Variants in MROH1 observed in about 807,000 individuals in gnomAD.
The protein encoded by MROH1 is maestro heat-like repeat-containing protein family member 1.
In MROH1, 117 loss-of-function variants were observed where a neutral mutation model predicts 116.5. That is an observed-to-expected ratio of 1.00 (90% confidence interval 0.86 to 1.17). MROH1 has a LOEUF of 1.17. MROH1 is among the 50% of genes most tolerant of loss of function. The probability of loss-of-function intolerance (pLI) is 0.00; values close to 1 mark genes in which losing one functional copy is unlikely to be tolerated. For synonymous variants in MROH1, 921 were observed against 583.9 expected (o/e 1.58, Z -8.32); for missense variants, 1,873 against 1,338.5 (o/e 1.40, Z -6.23).
intron 8 of MROH1, 136 bp downstream of exon 8, chr8:144,191,071 C>A: frequency 1.0e-6 from 1 of 961,498 alleles, no homozygotes; most frequent in Non-Finnish European, 1.5e-6. Flanking sequence ...AGGTGGCTCA[C>A]CTTTATTTAT....
At chr8:144,241,600 G>C in intron 22 of MROH1, 83 bp downstream of exon 22, 1 of 770,352 alleles carries the variant, frequency 1.3e-6, no homozygotes, top group East Asian at 2.5e-5. Flanking sequence ...GGGCTGGAGT[G>C]GGGCAGGAAG....
intron 33 of MROH1, chr8:144,250,710 A>AC: frequency 2.4e-6 from 1 of 417,838 alleles, no homozygotes; most frequent in South Asian, 2.1e-5. Flanking sequence ...GCTGCCCCTC[A>AC]CCCTGTGTCT....
At chr8:144,250,149 C>T in intron 32 of MROH1, 63 bp from the exon 33 acceptor site, 2 of 732,696 alleles carry the variant, frequency 2.7e-6, no homozygotes, top group South Asian at 1.4e-5. Flanking sequence ...CTTGGGCTGG[C>T]GTAGGTGTGC....
In MROH1 at chr8:144,200,542, G is replaced by T; in HGVS notation, c.1141+1G>T. 6.5e-7 allele frequency: 1 copy of T among 1,547,936 alleles called. No individual in the cohort carries two copies. The highest frequency in any genetic ancestry group is 8.7e-7 in the Non-Finnish European group (1 of 1,144,694). On this transcript the variant is annotated splice_donor_variant, in intron 12 of 43. Coordinates refer to ENST00000326134, the MANE Select transcript of MROH1 (RefSeq NM_032450.3). LOFTEE classifies it high-confidence loss of function. ...GTCAGACATGTCATCAACTCAGCTG[G>T]TGAGTGCCTCCATGCTAGCCTGGCC...
intron 4 of MROH1, 111 bp from the exon 5 acceptor site, chr8:144,179,344 C>T: frequency 6.7e-7 from 1 of 1,482,832 alleles, no homozygotes; most frequent in South Asian, 1.3e-5. Context: ...CCCTCCTGCA[C>T]TTGAGGCAGA....
In MROH1 at chr8:144,209,120, CT is replaced by C. The variant is rs1833534301; in HGVS notation, c.1141+8580del. Among the ~76,000 whole-genome samples the C allele has an allele frequency of 2.0e-5, 3 of 151,936 alleles. No homozygotes were observed. The South Asian group carries it at 6.2e-4, about 32-fold the overall frequency. ...CCATGTTAGTCAGGCTGGTCTCAAA[CT>C]CCTGGACTCAAGTGATCTGCCCGCC... On this transcript the variant is annotated intron_variant, in intron 12 of 43. Coordinates refer to ENST00000326134, the MANE Select transcript of MROH1 (RefSeq NM_032450.3).
intron 14 of MROH1, among the ~76,000 whole-genome samples, chr8:144,235,486 T>C (rs1839899289): frequency 6.6e-6 from 1 of 152,236 alleles, no homozygotes; most frequent in African/African-American, 2.4e-5. Flanking sequence ...TGATTCCTGC[T>C]GTGGGGCTTC....
intron 12 of MROH1, among the ~76,000 whole-genome samples, chr8:144,219,310 C>G (rs1041348422): frequency 3.3e-5 from 5 of 152,126 alleles, no homozygotes; most frequent in African/African-American, 1.2e-4. Context: ...GCGTGAGCCA[C>G]CGCGCCCGAC....
intron 14 of MROH1, among the ~76,000 whole-genome samples, chr8:144,223,487 C>G (rs1166008600): frequency 6.6e-6 from 1 of 152,148 alleles, no homozygotes; most frequent in Admixed American, 6.5e-5. Context: ...GAGACCCTCC[C>G]GCCTCAGCCC....
At position 144,182,502 on chromosome 8, in the gene MROH1, A is replaced by G. The variant is rs1423203642; in HGVS notation, c.562+1979A>G. Among the ~76,000 whole-genome samples the G allele has an allele frequency of 6.6e-6, 1 of 152,256 alleles. No individual in the cohort carries two copies. The highest frequency in any genetic ancestry group is 1.5e-5 in the Non-Finnish European group (1 of 68,048). ...TCAGGAAAATAAGTGGGCATCATGC[A>G]TTCACGGGACAAGAGGTGTCACCAT... On this transcript the variant is annotated intron_variant, in intron 7 of 43. Transcript: ENST00000326134. The surrounding 1 kb of genome is among the most constrained non-coding windows in gnomAD (Gnocchi z 4.1).
At chr8:144,209,030 TGTGTGTGTG>T (rs1833491840) in intron 12 of MROH1, among the ~76,000 whole-genome samples, 2 of 2,952 alleles carry the variant, frequency 6.8e-4, no homozygotes, top group Non-Finnish European at 7.6e-3. Context: ...GGCCATTTTG[TGTGTGTGTG>T]TGTGTGTGTG....
In MROH1 at chr8:144,261,545, C is replaced by T. The variant is rs952064357; in HGVS notation, c.4841-110C>T. On this transcript the variant is annotated intron_variant, in intron 43 of 43. Transcript: ENST00000326134. ...ACTAAAAAAGGAAAAACGATCTTTC[C>T]GTTGGCTCCTGAGCCTCCCAGCAGA... is the stretch of plus-strand genomic sequence containing the variant. The T allele has an allele frequency of 4.2e-5, 29 of 691,486 alleles. 1 individual carries two copies. The highest frequency in any genetic ancestry group is 3.3e-4 in the South Asian group (22 of 66,578). 42.8% of individuals were successfully genotyped at this position (691,486 alleles called of 1,614,324 possible).
chr8:144,239,337 C>T lies in MROH1; in HGVS notation c.1606C>T (p.Pro536Ser), dbSNP rs1216753928. 1.3e-5 allele frequency: 10 copies of T among 780,412 alleles called. No homozygotes were observed. The East Asian group carries it at 2.4e-4, about 19-fold the overall frequency. 48.3% of individuals were successfully genotyped at this position (780,412 alleles called of 1,614,324 possible). ...QYDAHASLPS[P>S]YAVTGRLLVV... Reference sequence around the variant, plus strand: ...CTCATCTCCAGCGAGCCTCCCGTCTCCCTATGCTGTAACCGGAAGACTGTT... The same window carrying T: ...CTCATCTCCAGCGAGCCTCCCGTCTTCCTATGCTGTAACCGGAAGACTGTT... Residue 536 changes from proline to serine, a missense_variant, in exon 17 of 44, where the codon CCC becomes TCC. Coordinates refer to ENST00000326134, the MANE Select transcript of MROH1 (RefSeq NM_032450.3).
chr8:144,195,747 C>T (rs1238946789), intron 10 of MROH1, among the ~76,000 whole-genome samples: 2 of 151,970 alleles, frequency 1.3e-5, no homozygotes, highest in East Asian at 3.9e-4. Context: ...CTTTGTCACA[C>T]AGGCTGGAGT....
At chr8:144,181,200 AGGGGACCAGCCCTC>A (rs1825543633) in intron 7 of MROH1, among the ~76,000 whole-genome samples, 1 of 145,480 alleles carries the variant, frequency 6.9e-6, no homozygotes, top group South Asian at 2.1e-4. Flanking sequence ...CCTCGTGCCC[AGGGGACCAGCCCTC>A]GTAAAGAGCC....
intron 12 of MROH1, chr8:144,214,621 C>G (rs1377247148): frequency 6.6e-6 from 1 of 152,188 alleles, no homozygotes; most frequent in African/African-American, 2.4e-5. Context: ...CTCAGCCACA[C>G]CCTGGCTTGC....
chr8:144,170,845 A>G (rs771308492), intron 4 of MROH1, among the ~76,000 whole-genome samples: 6 of 152,270 alleles, frequency 3.9e-5, no homozygotes, highest in Non-Finnish European at 7.3e-5. Flanking sequence ...GGTTCTGCAC[A>G]GGACAGACAG....
intron 33 of MROH1, chr8:144,252,702 C>T (rs1843038662): frequency 6.7e-6 from 1 of 148,952 alleles, no homozygotes; most frequent in Admixed American, 6.7e-5. Flanking sequence ...CACGGTGGCT[C>T]ACGCCTATAA....
chr8:144,210,679 ACT>A (rs1833904035), intron 12 of MROH1, among the ~76,000 whole-genome samples: 3 of 61,968 alleles, frequency 4.8e-5, no homozygotes, highest in Non-Finnish European at 1.4e-4. Flanking sequence ...ACAGATGGAG[ACT>A]CTGTCTCTCT....
Sources: allele counts gnomAD v4.1 joint callset (sites outside exome capture counted in the v4.1 genomes callset), GRCh38; gene constraint gnomAD v4.1.1; non-coding constraint Gnocchi (gnomAD v3.1); transcripts MANE v1.5; gene names NCBI Gene and HGNC (gene_info 2026-07-23, HGNC 2026-07-21).